PITPNC1: variants seen among roughly 807,000 people sequenced by gnomAD.
PITPNC1 encodes the protein phosphatidylinositol transfer protein cytoplasmic 1.
A neutral mutation model predicts 44.7 loss-of-function variants in PITPNC1; 18 were observed. That is an observed-to-expected ratio of 0.40 (90% CI 0.28 to 0.60). The LOEUF is 0.60. Ranked by LOEUF, PITPNC1 falls within the 20% of genes least tolerant of loss-of-function variation. The probability of loss-of-function intolerance (pLI) is 0.39; values close to 1 mark genes in which losing one functional copy is unlikely to be tolerated. For synonymous variants in PITPNC1, 141 were observed against 149.6 expected (o/e 0.94, Z 0.42); for missense variants, 290 against 418.4 (o/e 0.69, Z 2.68).
chr17:67,680,961 T>A (rs1598985228), intron 8 of PITPNC1, among the ~76,000 whole-genome samples: 1 of 152,154 alleles, frequency 6.6e-6, no homozygotes, highest in South Asian at 2.1e-4. Flanking sequence ...AACGGAAATG[T>A]TTGTAGAGGG....
chr17:67,511,066 C>T lies in PITPNC1; in HGVS notation c.49-21736C>T, dbSNP rs2949935. 8.6e-3 allele frequency among the ~76,000 whole-genome samples: 1,314 copies of T among 152,124 alleles called. 14 individuals carry two copies. Among genetic ancestry groups the T allele is most frequent in the African/African-American group, 0.03 (1,249 of 41,494 alleles). On this transcript the variant is annotated intron_variant, in intron 1 of 8. Coordinates refer to ENST00000581322, the MANE Select transcript of PITPNC1 (RefSeq NM_012417.4). ...CTTTTTCTATTCATATATGAGTACA[C>T]GCGTTTGCATTTTAGCAAAACTCCT...
At chr17:67,453,118 G>C (rs1042665329) in intron 1 of PITPNC1, among the ~76,000 whole-genome samples, 1 of 152,112 alleles carries the variant, frequency 6.6e-6, no homozygotes, top group Non-Finnish European at 1.5e-5. Context: ...ATTGTGTCCG[G>C]GGGCAGGGTA....
intron 6 of PITPNC1, among the ~76,000 whole-genome samples, chr17:67,644,855 A>G (rs1314343267): frequency 1.3e-5 from 2 of 152,200 alleles, no homozygotes; most frequent in Admixed American, 1.3e-4. Context: ...CCCTTAGAAC[A>G]GAGTTCCCAA....
At position 67,692,671 on chromosome 17, in the gene PITPNC1, TCCCCCTGCTG is replaced by T; in HGVS notation, c.785_794del (p.Pro262LeufsTer51). The T allele has an allele frequency of 3.1e-6, 5 of 1,613,390 alleles. No individual in the cohort carries two copies. The highest frequency in any genetic ancestry group is 4.2e-6 in the Non-Finnish European group (5 of 1,179,414). On this transcript the variant is annotated frameshift_variant, in exon 9 of 9. Coordinates refer to ENST00000581322, the MANE Select transcript of PITPNC1 (RefSeq NM_012417.4). LOFTEE classifies it high-confidence loss of function. ...CCACCTGCAATTTCTATCTCCAGCA[TCCCCCTGCTG>T]CCTTCTTCCGTCCGCAGTGCGCCTT...
chr17:67,544,454 G>A (rs1555664783), intron 2 of PITPNC1, among the ~76,000 whole-genome samples: 1 of 152,186 alleles, frequency 6.6e-6, no homozygotes, highest in Non-Finnish European at 1.5e-5. Flanking sequence ...GCTATTTTTA[G>A]GCTTGTTTTT....
intron 2 of PITPNC1, among the ~76,000 whole-genome samples, chr17:67,544,916 T>C (rs1218894460): frequency 6.6e-6 from 1 of 152,178 alleles, no homozygotes; most frequent in Non-Finnish European, 1.5e-5. Context: ...ATCAGAGACA[T>C]AGACTCTGAC....
chr17:67,604,379 A>G (rs2144279405), intron 5 of PITPNC1, among the ~76,000 whole-genome samples: 1 of 152,342 alleles, frequency 6.6e-6, no homozygotes, highest in South Asian at 2.1e-4. Flanking sequence ...TGACATATGA[A>G]GGAGGGGTTG....
chr17:67,509,614 C>T (rs1054878206), intron 1 of PITPNC1, among the ~76,000 whole-genome samples: 4 of 151,246 alleles, frequency 2.6e-5, no homozygotes, highest in East Asian at 3.9e-4. Context: ...CGTGTTCAAC[C>T]GGGTTTGACT....
intron 1 of PITPNC1, among the ~76,000 whole-genome samples, chr17:67,462,271 G>A (rs1168504886): frequency 1.3e-4 from 16 of 120,488 alleles, no homozygotes; most frequent in East Asian, 4.6e-4. Context: ...TTGCTCTGTC[G>A]TCCAGGCTGG....
At chr17:67,379,059 G>A (rs2037916796) in intron 1 of PITPNC1, 1 of 985,832 alleles carries the variant, frequency 1.0e-6, no homozygotes, top group Non-Finnish European at 1.2e-6. Context: ...GGATTATTCC[G>A]GCCCCGGCTT....
chr17:67,652,259 G>A (rs2042217565), intron 6 of PITPNC1, among the ~76,000 whole-genome samples: 1 of 152,160 alleles, frequency 6.6e-6, no homozygotes, highest in Non-Finnish European at 1.5e-5. Flanking sequence ...AGCCCCAGCT[G>A]GACCAAGCTC....
intron 6 of PITPNC1, among the ~76,000 whole-genome samples, chr17:67,652,779 T>C (rs1024393243): frequency 6.6e-6 from 1 of 152,196 alleles, no homozygotes; most frequent in Non-Finnish European, 1.5e-5. Context: ...ATGAGTGAGC[T>C]GGAAGAGTGA....
chr17:67,623,523 T>C (rs1279143875), intron 5 of PITPNC1, among the ~76,000 whole-genome samples: 1 of 152,182 alleles, frequency 6.6e-6, no homozygotes, highest in Non-Finnish European at 1.5e-5. Flanking sequence ...CAGCTGGGAC[T>C]ACAGGCATAC....
At chr17:67,511,363 T>C (rs2040182442) in intron 1 of PITPNC1, among the ~76,000 whole-genome samples, 1 of 152,228 alleles carries the variant, frequency 6.6e-6, no homozygotes, top group Admixed American at 6.5e-5. Flanking sequence ...GATAAATTCC[T>C]AGGTAGAGTA....
intron 1 of PITPNC1, among the ~76,000 whole-genome samples, chr17:67,386,687 C>T (rs2038058803): frequency 6.6e-6 from 1 of 152,102 alleles, no homozygotes; most frequent in South Asian, 2.1e-4. Context: ...AGGTTCATTG[C>T]TTTAGCGGCC....
At chr17:67,660,670 C>A (rs1245083250) in intron 6 of PITPNC1, among the ~76,000 whole-genome samples, 3 of 151,724 alleles carry the variant, frequency 2.0e-5, no homozygotes, top group African/African-American at 7.3e-5. Context: ...CTCAGCCTCC[C>A]AAGTAGCTGG....
intron 5 of PITPNC1, among the ~76,000 whole-genome samples, chr17:67,602,780 A>G (rs575799627): frequency 1.1e-3 from 171 of 152,246 alleles, no homozygotes; most frequent in African/African-American, 3.2e-3. Context: ...TCTGTCGCCC[A>G]GGTTAGAGTG....
At chr17:67,494,391 G>A (rs1048058720) in intron 1 of PITPNC1, among the ~76,000 whole-genome samples, 1 of 151,880 alleles carries the variant, frequency 6.6e-6, no homozygotes, top group African/African-American at 2.4e-5. Context: ...ATAGAGACAG[G>A]GTTTCACCAT....
At position 67,509,015 on chromosome 17, in the gene PITPNC1, C is replaced by T. The variant is rs376274558; in HGVS notation, c.49-23787C>T. On this transcript the variant is annotated intron_variant, in intron 1 of 8. Coordinates refer to ENST00000581322, the MANE Select transcript of PITPNC1 (RefSeq NM_012417.4). Reference sequence around the variant, plus strand: ...TTGGGAGGCCAAGGCGGGTGGATCACATGAGGTCAGGAGTTCGAGACCAGC... The same window carrying T: ...TTGGGAGGCCAAGGCGGGTGGATCATATGAGGTCAGGAGTTCGAGACCAGC... Among the ~76,000 whole-genome samples, 203 of 151,650 alleles carry T rather than the reference C, an allele frequency of 1.3e-3. 1 individual carries two copies. The highest frequency in any genetic ancestry group is 4.7e-3 in the African/African-American group (196 of 41,324).
Sources: gnomAD v4.1 joint callset for allele counts (sites outside exome capture counted in the v4.1 genomes callset) on GRCh38, gnomAD v4.1.1 for gene constraint, MANE v1.5 for transcripts, NCBI Gene and HGNC (gene_info 2026-07-23, HGNC 2026-07-21) for gene names.